Variants in PTPN2 observed in about 807,000 individuals in gnomAD.
The protein encoded by PTPN2 is tyrosine-protein phosphatase non-receptor type 2.
A neutral mutation model predicts 57.3 loss-of-function variants in PTPN2; 19 were observed. The ratio of observed to expected loss-of-function variants is 0.33; its 90% confidence interval spans 0.23 to 0.49. PTPN2 has a LOEUF of 0.49. PTPN2 is among the 20% of genes least tolerant of loss of function. The pLI is 0.99. For missense variants in PTPN2, 358 were observed against 501.1 expected, an observed-to-expected ratio of 0.71 and a Z score of 2.73; for synonymous variants, 153 against 164.9, an observed-to-expected ratio of 0.93 and a Z score of 0.55.
chr18:12,805,917 C>T lies in PTPN2; in HGVS notation c.859-3766G>A, dbSNP rs1003507566. 1.6e-4 allele frequency among the ~76,000 whole-genome samples: 24 copies of T among 152,162 alleles called. 1 individual carries two copies. The highest frequency in any genetic ancestry group is 2.4e-4 in the African/African-American group (10 of 41,518). On this transcript the variant is annotated intron_variant, in intron 7 of 8. Coordinates refer to ENST00000309660, the MANE Select transcript of PTPN2 (RefSeq NM_002828.4). ...TGCTGGGATTACAGGCATGAGCCAC[C>T]GCACCGGGCTAGGATGCCCACTTTC...
intron 1 of PTPN2, among the ~76,000 whole-genome samples, chr18:12,867,602 A>G (rs1436548078): frequency 6.6e-6 from 1 of 151,094 alleles, no homozygotes; most frequent in South Asian, 2.2e-4. Context: ...TCTCCATTTG[A>G]GTCTTCCTTG....
chr18:12,859,880 C>T (rs1336337061), intron 1 of PTPN2, among the ~76,000 whole-genome samples: 1 of 152,192 alleles, frequency 6.6e-6, no homozygotes, highest in African/African-American at 2.4e-5. Context: ...AAGCCTGGCG[C>T]AGTGGCTAAC....
intron 1 of PTPN2, among the ~76,000 whole-genome samples, chr18:12,861,815 A>G (rs1439864761): frequency 6.6e-6 from 1 of 152,200 alleles, no homozygotes; most frequent in African/African-American, 2.4e-5. Context: ...TCCACACTTA[A>G]GGCCATCTGT....
Position 12,814,242 on chromosome 18 carries a change from T to C in PTPN2, c.819A>G (p.Ile273Met), listed in dbSNP as rs2041989064. ...DQLRFSYMAI[I>M]EGAKCIKGDS... ...CTCCCTTTATACATTTTGCTCCTTC[T>C]ATTATAGCCATGTATGAGAATCTCA... Residue 273 changes from isoleucine to methionine, a missense_variant, in exon 7 of 9, where the codon ATA becomes ATG. By Grantham distance (10) the Ile-to-Met change is conservative. This residue lies in a region of PTPN2 where 193 missense variants were observed against 315.4 expected (regional missense o/e 0.61). Coordinates refer to ENST00000309660, the MANE Select transcript of PTPN2 (RefSeq NM_002828.4). 6.2e-7 allele frequency: 1 copy of C among 1,605,120 alleles called. No homozygotes were observed. The highest frequency in any genetic ancestry group is 1.1e-5 in the South Asian group (1 of 90,032).
intron 2 of PTPN2, among the ~76,000 whole-genome samples, chr18:12,858,612 G>A (rs901114490): frequency 2.0e-5 from 3 of 152,272 alleles, no homozygotes; most frequent in East Asian, 1.9e-4. Flanking sequence ...AAATGAGTAT[G>A]TGGCAAGATT....
chr18:12,838,622 C>T (rs1260629563), intron 2 of PTPN2, among the ~76,000 whole-genome samples: 3 of 152,136 alleles, frequency 2.0e-5, no homozygotes, highest in Non-Finnish European at 4.4e-5. Context: ...TGGCAGTGGC[C>T]TCGCTTCCTG....
At chr18:12,860,103 C>T (rs958274146) in intron 1 of PTPN2, among the ~76,000 whole-genome samples, 1 of 151,572 alleles carries the variant, frequency 6.6e-6, no homozygotes, top group African/African-American at 2.4e-5. Context: ...ACCTGGCCAA[C>T]AAAGCGAAAC....
intron 1 of PTPN2, among the ~76,000 whole-genome samples, chr18:12,874,707 C>A (rs1182424215): frequency 1.3e-5 from 2 of 151,430 alleles, no homozygotes; most frequent in Non-Finnish European, 3.0e-5. Flanking sequence ...CTCGCCCGGC[C>A]AGCCGCCCCA....
intron 1 of PTPN2, among the ~76,000 whole-genome samples, chr18:12,874,045 C>T (rs2044375556): frequency 1.3e-5 from 2 of 151,746 alleles, no homozygotes; most frequent in Non-Finnish European, 2.9e-5. Flanking sequence ...GGAGACCCTC[C>T]GCCCGGCAGC....
At chr18:12,789,252 G>C (rs1265130560), downstream of PTPN2, among the ~76,000 whole-genome samples, 2 of 152,244 alleles carry the variant, frequency 1.3e-5, no homozygotes, top group African/African-American at 2.4e-5. Flanking sequence ...TCTTGGCAAT[G>C]CTGTCCCATA....
intron 7 of PTPN2, 83 bp from the exon 8 acceptor site, chr18:12,802,234 C>A: frequency 8.9e-7 from 1 of 1,120,800 alleles, no homozygotes; most frequent in Non-Finnish European, 1.2e-6. Context: ...GAATTAAAAT[C>A]CTATATTCAA....
At chr18:12,878,310 C>T (rs1006110621) in intron 1 of PTPN2, among the ~76,000 whole-genome samples, 1 of 146,554 alleles carries the variant, frequency 6.8e-6, no homozygotes, top group African/African-American at 2.5e-5. Context: ...AAGTGAGACC[C>T]AGTCTCAAAA....
chr18:12,866,734 C>A (rs1302464916), intron 1 of PTPN2, among the ~76,000 whole-genome samples: 1 of 151,856 alleles, frequency 6.6e-6, no homozygotes, highest in Non-Finnish European at 1.5e-5. Flanking sequence ...CTCGGCCGGG[C>A]GTGGTGGCTC....
At chr18:12,825,699 C>A in intron 5 of PTPN2, 111 bp downstream of exon 5, 1 of 999,366 alleles carries the variant, frequency 1.0e-6, no homozygotes, top group South Asian at 2.2e-5. Flanking sequence ...TGGCTAGATA[C>A]TATAGGAATT....
chr18:12,823,681 T>C (rs1036155724), intron 5 of PTPN2, among the ~76,000 whole-genome samples: 1 of 151,960 alleles, frequency 6.6e-6, no homozygotes, highest in African/African-American at 2.4e-5. Flanking sequence ...TCTTAAAAAA[T>C]AGGGGACCAG....
intron 1 of PTPN2, among the ~76,000 whole-genome samples, chr18:12,867,874 A>G (rs2145500529): frequency 6.6e-6 from 1 of 152,252 alleles, no homozygotes; most frequent in East Asian, 1.9e-4. Flanking sequence ...CTGCTCTTGT[A>G]TTTGGACACC....
chr18:12,882,942 G>C (rs2044709892), intron 1 of PTPN2, among the ~76,000 whole-genome samples: 2 of 152,094 alleles, frequency 1.3e-5, no homozygotes, highest in Non-Finnish European at 2.9e-5. Context: ...AATACGACAA[G>C]GATTAAACGA....
chr18:12,852,512 A>G (rs1373364838), intron 2 of PTPN2, among the ~76,000 whole-genome samples: 1 of 152,170 alleles, frequency 6.6e-6, no homozygotes, highest in African/African-American at 2.4e-5. Flanking sequence ...ACCTCTTCAA[A>G]TCCTTTCAAT....
chr18:12,793,480 A>C lies in PTPN2; in HGVS notation c.*798T>G, dbSNP rs1046371099. On this transcript the variant is annotated 3_prime_UTR_variant, in exon 9 of 9. Coordinates refer to ENST00000309660, the MANE Select transcript of PTPN2 (RefSeq NM_002828.4). ...TTTACAAAGTCTTGACCAACTGTTT[A>C]CCTGACTATCCCAGTAAGGAGAATT... is the stretch of plus-strand genomic sequence containing the variant. 8 of 977,328 alleles carry C rather than the reference A, an allele frequency of 8.2e-6. No individual in the cohort carries two copies. Among genetic ancestry groups the C allele is most frequent in the East Asian group, 1.1e-4 (1 of 8,926 alleles). 60.5% of individuals were successfully genotyped at this position (977,328 alleles called of 1,614,324 possible).
Sources: gnomAD v4.1 joint callset for allele counts (sites outside exome capture counted in the v4.1 genomes callset) on GRCh38, gnomAD v4.1.1 for gene constraint, gnomAD v4.1.1 regional missense constraint, MANE v1.5 for transcripts, NCBI Gene and HGNC (gene_info 2026-07-23, HGNC 2026-07-21) for gene names.